The following EFL1 variants were observed in gnomAD, a reference collection of about 807,000 sequenced individuals.
EFL1 encodes elongation factor like GTPase 1.
EFL1 carries 76 observed loss-of-function variants against 126.7 expected under a neutral mutation model. That is an observed-to-expected ratio of 0.60 (90% CI 0.50 to 0.73). The LOEUF (loss-of-function observed/expected upper bound fraction) is 0.73, where lower values mean the gene tolerates loss of function less well. Among genes scored for constraint, EFL1 ranks in the 30% least tolerant of loss-of-function variants. EFL1 has a pLI of 0.00. For missense variants in EFL1, 1,128 were observed against 1,343.2 expected, an observed-to-expected ratio of 0.84 and a Z score of 2.50; for synonymous variants, 410 against 448.4, an observed-to-expected ratio of 0.91 and a Z score of 1.08.
chr15:82,259,184 C>A (rs1596015415), intron 2 of EFL1, 29 bp from the exon 3 acceptor site: 1 of 1,597,048 alleles, frequency 6.3e-7, no homozygotes, highest in Admixed American at 1.7e-5. Context: ...CAATTCAAAT[C>A]TATATCTTTT....
chr15:82,180,371 A>AG (rs1388856845), intron 15 of EFL1, among the ~76,000 whole-genome samples: 1 of 103,252 alleles, frequency 9.7e-6, no homozygotes, highest in East Asian at 2.3e-4. Flanking sequence ...AAAAAAAAAA[A>AG]ACAAAAAAAA....
At position 82,229,113 on chromosome 15, in the gene EFL1, G is replaced by A. The variant is rs760653797; in HGVS notation, c.856-3C>T. On this transcript the variant is annotated splice_polypyrimidine_tract_variant and splice_region_variant and intron_variant, in intron 8 of 19. Transcript: ENST00000268206. ...AATAAAGGTTTCTTTCCTTTGGCCT[G>A]TACAAAAGAACATACGGGCTTAAGT... The A allele has an allele frequency of 3.7e-6, 6 of 1,604,952 alleles. No individual in the cohort carries two copies. In the South Asian group the frequency reaches 5.6e-5, roughly 15 times the overall value.
rs893414526 is a variant in EFL1, at chr15:82,252,898, T to C, written c.160-123A>G. ...AATTTGTTATTTTTATTTATTTTTG[T>C]AGAGACAGGGTCTTGCTATGTTGCC... On this transcript the variant is annotated intron_variant, in intron 3 of 19. Coordinates refer to ENST00000268206, the MANE Select transcript of EFL1 (RefSeq NM_024580.6). The C allele has an allele frequency of 4.1e-6, 3 of 723,468 alleles. No homozygotes were observed. The African/African-American group carries it at 5.3e-5, about 13-fold the overall frequency. 44.8% of individuals were successfully genotyped at this position (723,468 alleles called of 1,614,324 possible). A position where few individuals can be genotyped will look rare whatever the true frequency, so the allele number is the denominator to read the frequency against.
rs373322677 is a variant in EFL1, at chr15:82,182,800, G to A, written c.1751-18816C>T. Among the ~76,000 whole-genome samples, 36 of 151,898 alleles carry A rather than the reference G, an allele frequency of 2.4e-4. No individual in the cohort carries two copies. In the East Asian group the frequency reaches 6.4e-3, roughly 27 times the overall value. On this transcript the variant is annotated intron_variant, in intron 15 of 19. Coordinates refer to ENST00000268206, the MANE Select transcript of EFL1 (RefSeq NM_024580.6). The stretch of plus-strand genomic sequence containing the variant: ...AGATCGCGCCACTGTACTCCAGCCT[G>A]GGCGACAGAGCCAGACTCCGTCTCA...
intron 19 of EFL1, among the ~76,000 whole-genome samples, chr15:82,131,072 T>G (rs1324925839): frequency 6.6e-6 from 1 of 152,086 alleles, no homozygotes; most frequent in Non-Finnish European, 1.5e-5. Context: ...GGAAGTAGAT[T>G]CAACAAAACT....
In EFL1 at chr15:82,164,008, G is replaced by A. The variant is rs780790999; in HGVS notation, c.1751-24C>T. On this transcript the variant is annotated intron_variant, in intron 15 of 19. Coordinates refer to ENST00000268206, the MANE Select transcript of EFL1 (RefSeq NM_024580.6). ...TCCTGTAGGAAGAAAAGATCCATAC[G>A]GTCAATAAGGGATGATAAATTCTGA... 7.1e-5 allele frequency: 115 copies of A among 1,608,544 alleles called. 1 individual carries two copies. Among genetic ancestry groups the A allele is most frequent in the Middle Eastern group, 6.6e-4 (4 of 6,040 alleles).
intron 11 of EFL1, 107 bp downstream of exon 11, chr15:82,227,343 G>A (rs1458707133): frequency 6.5e-7 from 1 of 1,533,360 alleles, no homozygotes; most frequent in African/African-American, 1.4e-5. Context: ...TGGACATTTG[G>A]CAAATTGGCC....
chr15:82,184,923 T>C (rs1201211668), intron 15 of EFL1, among the ~76,000 whole-genome samples: 1 of 152,172 alleles, frequency 6.6e-6, no homozygotes, highest in East Asian at 1.9e-4. Context: ...CAACTTAGAG[T>C]AGTGTGAATA....
At chr15:82,188,073 T>C (rs1790973209) in intron 15 of EFL1, among the ~76,000 whole-genome samples, 1 of 152,174 alleles carries the variant, frequency 6.6e-6, no homozygotes, top group South Asian at 2.1e-4. Flanking sequence ...CTCTTTGTCC[T>C]GTTGAATGCT....
chr15:82,223,313 G>A (rs1439109296), intron 12 of EFL1, among the ~76,000 whole-genome samples: 2 of 151,800 alleles, frequency 1.3e-5, no homozygotes, highest in African/African-American at 4.8e-5. Context: ...TAATGGTGAT[G>A]ACCTTGCCCA....
chr15:82,254,675 T>C (rs1386037893), intron 3 of EFL1, among the ~76,000 whole-genome samples: 2 of 152,206 alleles, frequency 1.3e-5, no homozygotes, highest in Non-Finnish European at 2.9e-5. Flanking sequence ...TTTTCTCTGC[T>C]CAATATTGTT....
At chr15:82,249,969 C>G (rs1270220868) in intron 4 of EFL1, among the ~76,000 whole-genome samples, 1 of 151,968 alleles carries the variant, frequency 6.6e-6, no homozygotes, top group African/African-American at 2.4e-5. Context: ...AGAGTCAGAA[C>G]CACAGAAAGG....
At chr15:82,132,047 A>G (rs2073654040) in intron 19 of EFL1, among the ~76,000 whole-genome samples, 1 of 152,224 alleles carries the variant, frequency 6.6e-6, no homozygotes, top group Non-Finnish European at 1.5e-5. Flanking sequence ...GTCTGGACCA[A>G]GATAATAAAA....
intron 15 of EFL1, among the ~76,000 whole-genome samples, chr15:82,208,601 A>C (rs569355400): frequency 6.6e-6 from 1 of 152,296 alleles, no homozygotes; most frequent in East Asian, 1.9e-4. Context: ...TGTTGAACCT[A>C]ATAGGGGTTG....
chr15:82,146,629 C>T (rs148113593), intron 18 of EFL1, among the ~76,000 whole-genome samples: 5,494 of 144,790 alleles, frequency 0.038, 143 homozygotes, highest in Non-Finnish European at 0.059. Flanking sequence ...AAAAAAAAAG[C>T]CAGACTGACT....
chr15:82,185,514 T>C (rs765415691), intron 15 of EFL1, among the ~76,000 whole-genome samples: 3 of 152,092 alleles, frequency 2.0e-5, no homozygotes, highest in African/African-American at 7.2e-5. Context: ...TTTACTTTTA[T>C]GGCAAAAAAT....
At chr15:82,137,089 A>C (rs1256536953) in intron 19 of EFL1, among the ~76,000 whole-genome samples, 1 of 151,996 alleles carries the variant, frequency 6.6e-6, no homozygotes, top group Non-Finnish European at 1.5e-5. Context: ...ACTTGCATCA[A>C]TTTAGATGAT....
At chr15:82,132,548 G>A (rs78887772) in intron 19 of EFL1, among the ~76,000 whole-genome samples, 1 of 50,220 alleles carries the variant, frequency 2.0e-5, no homozygotes, top group South Asian at 2.6e-3. Flanking sequence ...GAGCAGCCAG[G>A]GGGCACAGAG....
chr15:82,170,316 G>A (rs1013710400), intron 15 of EFL1, among the ~76,000 whole-genome samples: 3 of 151,394 alleles, frequency 2.0e-5, no homozygotes, highest in Non-Finnish European at 4.4e-5. Context: ...GGGTTTCACC[G>A]TTTTAGCCAG....
Sources: gnomAD v4.1 joint callset for allele counts (sites outside exome capture counted in the v4.1 genomes callset) on GRCh38, gnomAD v4.1.1 for gene constraint, MANE v1.5 for transcripts, NCBI Gene and HGNC (gene_info 2026-07-23, HGNC 2026-07-21) for gene names.